CLNK: variants seen among roughly 807,000 people sequenced by gnomAD.
The protein encoded by CLNK is cytokine-dependent hematopoietic cell linker.
Under a neutral mutation model 68.6 loss-of-function variants are expected in CLNK, and 74 were observed. The ratio of observed to expected loss-of-function variants is 1.08; its 90% CI spans 0.89 to 1.31. CLNK has a LOEUF of 1.31. CLNK is among the 50% of genes most tolerant of loss of function. The pLI, the probability that CLNK is intolerant of heterozygous loss-of-function variation, is 0.00. For synonymous variants in CLNK, 198 were observed against 172.2 expected, an observed-to-expected ratio of 1.15 and a Z score of -1.17; for missense variants, 553 against 515.3, an observed-to-expected ratio of 1.07 and a Z score of -0.71.
chr4:10,496,000 T>A (rs1716797117), intron 18 of CLNK, among the ~76,000 whole-genome samples: 1 of 152,164 alleles, frequency 6.6e-6, no homozygotes, highest in African/African-American at 2.4e-5. Flanking sequence ...ACCATGATAT[T>A]GGACTCCTGG....
At chr4:10,594,376 A>C (rs965449892) in intron 3 of CLNK, among the ~76,000 whole-genome samples, 1 of 152,182 alleles carries the variant, frequency 6.6e-6, no homozygotes, top group Non-Finnish European at 1.5e-5. Context: ...CTCTCCCTCC[A>C]CTTGGAAGCT....
At chr4:10,673,876 C>A (rs548366290) in intron 1 of CLNK, among the ~76,000 whole-genome samples, 1 of 152,292 alleles carries the variant, frequency 6.6e-6, no homozygotes, top group South Asian at 2.1e-4. Context: ...ATCTTCTTGC[C>A]TTGATTCGGA....
At chr4:10,666,033 G>T (rs1724382624) in intron 2 of CLNK, among the ~76,000 whole-genome samples, 3 of 152,146 alleles carry the variant, frequency 2.0e-5, no homozygotes, top group Admixed American at 1.3e-4. Context: ...ATGAAGAAAA[G>T]AAAATATGGC....
Position 10,542,261 on chromosome 4 carries a change from C to A in CLNK, c.465G>T (p.Lys155Asn). 6.5e-7 allele frequency: 1 copy of A among 1,530,380 alleles called. No homozygotes were observed. Among genetic ancestry groups the A allele is most frequent in the Non-Finnish European group, 8.9e-7 (1 of 1,120,044 alleles). The allele number at this position is 1,530,380 out of a possible 1,614,324, so 94.8% of individuals were successfully genotyped here. The change falls in exon 9 of 19, where the codon AAG becomes AAT. Residue 155 changes from lysine (K) to asparagine (N), a missense_variant. Coordinates refer to ENST00000226951, the MANE Select transcript of CLNK (RefSeq NM_052964.4). ...TTTTATTGATTTCTCTTACCTTGTT[C>A]TTTCTTACGGATGCATCTCCTAAAA... ...QNIKGDASVR[K>N]NKIPLPPPRP...
chr4:10,502,900 G>C (rs1022157956), intron 17 of CLNK, among the ~76,000 whole-genome samples: 3 of 152,054 alleles, frequency 2.0e-5, no homozygotes, highest in African/African-American at 7.2e-5. Context: ...TGGAGACTGA[G>C]GGTTTCCAAA....
At chr4:10,629,135 A>G (rs2531205) in intron 2 of CLNK, among the ~76,000 whole-genome samples, 103,451 of 151,970 alleles carry the variant, frequency 0.68, 36,255 homozygotes, top group East Asian at 0.77. Context: ...TGGTTTATAA[A>G]CTTCTGCGCC....
intron 12 of CLNK, among the ~76,000 whole-genome samples, chr4:10,529,677 C>G (rs1577109305): frequency 6.6e-6 from 1 of 152,130 alleles, no homozygotes; most frequent in South Asian, 2.1e-4. Flanking sequence ...CTGAGTCTCC[C>G]CCAGGACTTT....
the CLNK span, among the ~76,000 whole-genome samples, chr4:10,709,594 TC>T: frequency 6.6e-6 from 1 of 152,170 alleles, no homozygotes; most frequent in Non-Finnish European, 1.5e-5. Context: ...TAATATGATA[TC>T]CTAGATCTTC....
chr4:10,734,584 C>T, the CLNK span, among the ~76,000 whole-genome samples: 3 of 152,354 alleles, frequency 2.0e-5, no homozygotes, highest in East Asian at 5.8e-4. Flanking sequence ...CAACTGTATT[C>T]ACCATGTGTC....
chr4:10,572,501 T>C (rs144486946), intron 4 of CLNK, among the ~76,000 whole-genome samples: 1 of 152,380 alleles, frequency 6.6e-6, no homozygotes, highest in Non-Finnish European at 1.5e-5. Context: ...TTCATAAACT[T>C]TATTTTCCTA....
chr4:10,594,722 A>G (rs1290388582), intron 3 of CLNK, among the ~76,000 whole-genome samples: 2 of 152,242 alleles, frequency 1.3e-5, no homozygotes, highest in African/African-American at 2.4e-5. Context: ...CTACATTCAT[A>G]TGTATATGCT....
At chr4:10,623,378 G>A (rs1273924996) in intron 2 of CLNK, among the ~76,000 whole-genome samples, 1 of 152,186 alleles carries the variant, frequency 6.6e-6, no homozygotes, top group African/African-American at 2.4e-5. Flanking sequence ...ACAAATGTTT[G>A]TTGAGCATCT....
At chr4:10,530,976 A>G (rs78069576) in intron 12 of CLNK, among the ~76,000 whole-genome samples, 2,362 of 152,292 alleles carry the variant, frequency 0.016, 60 homozygotes, top group East Asian at 0.051. Flanking sequence ...CGATTGTCTT[A>G]TGGATTAGGG....
intron 2 of CLNK, among the ~76,000 whole-genome samples, chr4:10,632,437 A>T (rs1370351204): frequency 6.6e-6 from 1 of 152,256 alleles, no homozygotes; most frequent in Admixed American, 6.5e-5. Context: ...CCCAGGCAAC[A>T]TGCACAGTAT....
At chr4:10,706,617 G>A in the CLNK span, among the ~76,000 whole-genome samples, 1 of 152,114 alleles carries the variant, frequency 6.6e-6, no homozygotes, top group African/African-American at 2.4e-5. Context: ...TGGGTGTCCT[G>A]AGCTGCCCAA....
intron 3 of CLNK, 77 bp downstream of exon 3, chr4:10,597,901 T>G: frequency 1.0e-6 from 1 of 976,720 alleles, no homozygotes; most frequent in Non-Finnish European, 1.6e-6. Context: ...ACAATTTTCG[T>G]GTTTGTGATG....
chr4:10,687,158 T>C (rs1183406282), upstream of CLNK, among the ~76,000 whole-genome samples: 1 of 151,204 alleles, frequency 6.6e-6, no homozygotes, highest in East Asian at 1.9e-4. Flanking sequence ...TTACATCCTC[T>C]ACCTACTACT....
At chr4:10,574,571 C>G (rs1254499528) in intron 4 of CLNK, among the ~76,000 whole-genome samples, 1 of 152,176 alleles carries the variant, frequency 6.6e-6, no homozygotes, top group African/African-American at 2.4e-5. Flanking sequence ...TTTCCCTTAC[C>G]CCTGAGGTTT....
chr4:10,712,137 T>G, the CLNK span, among the ~76,000 whole-genome samples: 1 of 152,122 alleles, frequency 6.6e-6, no homozygotes, highest in Admixed American at 6.5e-5. Context: ...TGAATATATA[T>G]TTTTGGAAAA....
Sources: gnomAD v4.1 joint callset for allele counts (sites outside exome capture counted in the v4.1 genomes callset) on GRCh38, gnomAD v4.1.1 for gene constraint, MANE v1.5 for transcripts, NCBI Gene and HGNC (gene_info 2026-07-23, HGNC 2026-07-21) for gene names.